Variants in ADAMTSL3 observed in about 807,000 individuals in gnomAD.
The protein encoded by ADAMTSL3 is ADAMTS like 3.
Under a neutral mutation model 201.7 loss-of-function variants are expected in ADAMTSL3, and 128 were observed. That is an observed-to-expected ratio of 0.63 (90% CI 0.55 to 0.73). The LOEUF is 0.73. ADAMTSL3 is among the 30% of genes least tolerant of loss of function. The probability of loss-of-function intolerance (pLI) is 0.00; values close to 1 mark genes in which losing one functional copy is unlikely to be tolerated. For missense variants in ADAMTSL3, 1,990 were observed against 2,119.6 expected (o/e 0.94, Z 1.20); for synonymous variants, 738 against 748.4 (o/e 0.99, Z 0.23).
chr15:84,009,946 C>T (rs981815874), intron 23 of ADAMTSL3, among the ~76,000 whole-genome samples: 8 of 152,164 alleles, frequency 5.3e-5, no homozygotes, highest in Admixed American at 4.6e-4. Context: ...AATGAATAAG[C>T]CAATGTATCT....
intron 8 of ADAMTSL3, among the ~76,000 whole-genome samples, chr15:83,860,513 C>T (rs1013641495): frequency 2.0e-5 from 3 of 152,056 alleles, no homozygotes; most frequent in African/African-American, 4.8e-5. Flanking sequence ...AAGTTTATGG[C>T]ATGCAAAGTA....
intron 4 of ADAMTSL3, among the ~76,000 whole-genome samples, chr15:83,781,498 C>T (rs1329169911): frequency 2.0e-5 from 3 of 152,138 alleles, no homozygotes; most frequent in Non-Finnish European, 4.4e-5. Context: ...AAACCCAATA[C>T]TATACAAACC....
chr15:83,983,546 A>G (rs780120314), intron 21 of ADAMTSL3, among the ~76,000 whole-genome samples: 5 of 152,110 alleles, frequency 3.3e-5, no homozygotes, highest in Non-Finnish European at 7.4e-5. Context: ...CATCCCAATC[A>G]CTGTCGTAGA....
At chr15:84,031,554 A>C in intron 28 of ADAMTSL3, 122 bp downstream of exon 28, 1 of 812,560 alleles carries the variant, frequency 1.2e-6, no homozygotes. Context: ...ACAGTTTTCA[A>C]TTATGATTTA....
At chr15:83,762,567 G>C (rs1441873023) in intron 3 of ADAMTSL3, among the ~76,000 whole-genome samples, 1 of 152,140 alleles carries the variant, frequency 6.6e-6, no homozygotes, top group Non-Finnish European at 1.5e-5. Context: ...GGGCACGAAC[G>C]CTATGTCCTC....
chr15:83,874,507 C>T (rs62025829), intron 9 of ADAMTSL3, among the ~76,000 whole-genome samples: 35,810 of 142,564 alleles, frequency 0.25, 8,038 homozygotes, highest in Non-Finnish European at 0.32. Flanking sequence ...GACCCTTTAG[C>T]GGAGAGGTGT....
At chr15:83,852,661 G>GT (rs1221888184) in intron 7 of ADAMTSL3, among the ~76,000 whole-genome samples, 4 of 151,904 alleles carry the variant, frequency 2.6e-5, no homozygotes, top group African/African-American at 7.3e-5. Context: ...GCTAATTTGT[G>GT]TTTTTTTCTT....
intron 3 of ADAMTSL3, among the ~76,000 whole-genome samples, chr15:83,771,784 A>G (rs1447818203): frequency 6.6e-6 from 1 of 152,238 alleles, no homozygotes; most frequent in Non-Finnish European, 1.5e-5. Flanking sequence ...TTGGATAAAT[A>G]CCAAGAAGTT....
At chr15:83,825,661 T>C (rs2064006792) in intron 6 of ADAMTSL3, among the ~76,000 whole-genome samples, 2 of 152,142 alleles carry the variant, frequency 1.3e-5, no homozygotes, top group South Asian at 4.2e-4. Flanking sequence ...TAGTCTGGCC[T>C]CAAGGAGCGC....
chr15:83,694,503 G>C (rs2061653969), intron 2 of ADAMTSL3: 1 of 152,122 alleles, frequency 6.6e-6, no homozygotes. Context: ...TTATTTCCAT[G>C]TGACATTTTG....
chr15:83,733,298 C>G (rs1027303196), intron 3 of ADAMTSL3, among the ~76,000 whole-genome samples: 2 of 152,096 alleles, frequency 1.3e-5, no homozygotes, highest in African/African-American at 4.8e-5. Flanking sequence ...AATGAATGGA[C>G]AAAACTAATC....
chr15:84,029,800 T>C (rs940944448), intron 27 of ADAMTSL3, among the ~76,000 whole-genome samples: 2 of 152,178 alleles, frequency 1.3e-5, no homozygotes, highest in African/African-American at 2.4e-5. Context: ...GAGAAAAAAG[T>C]GGTTTCCTGG....
chr15:83,985,383 A>T (rs556871497), intron 21 of ADAMTSL3, among the ~76,000 whole-genome samples: 15 of 150,488 alleles, frequency 1.0e-4, no homozygotes, highest in Admixed American at 2.6e-4. Context: ...TCATTTAAAA[A>T]ATATATATAT....
chr15:83,695,152 G>C (rs2061663428), intron 2 of ADAMTSL3, among the ~76,000 whole-genome samples: 1 of 51,842 alleles, frequency 1.9e-5, no homozygotes, highest in African/African-American at 7.2e-5. Context: ...GTGTAGGTAT[G>C]TGTGTGTGTA....
chr15:83,760,265 T>C (rs1261533443), intron 3 of ADAMTSL3, among the ~76,000 whole-genome samples: 2 of 152,178 alleles, frequency 1.3e-5, no homozygotes, highest in African/African-American at 4.8e-5. Context: ...ATTAAGAGTA[T>C]TTTCTAATTT....
At chr15:83,823,967 CTT>C (rs1567169995) in intron 6 of ADAMTSL3, among the ~76,000 whole-genome samples, 33 of 82,082 alleles carry the variant, frequency 4.0e-4, no homozygotes, top group African/African-American at 1.1e-3. Context: ...TCTTCTTCTT[CTT>C]CTTCTCCTCC....
chr15:83,890,300 CA>C, intron 11 of ADAMTSL3, 53 bp downstream of exon 11: 1 of 1,593,422 alleles, frequency 6.3e-7, no homozygotes, highest in Non-Finnish European at 8.5e-7. Flanking sequence ...AAATCAGCTT[CA>C]ACTGAGACTG....
At chr15:83,976,667 C>T (rs1384000233) in intron 20 of ADAMTSL3, among the ~76,000 whole-genome samples, 1 of 151,888 alleles carries the variant, frequency 6.6e-6, no homozygotes, top group Non-Finnish European at 1.5e-5. Context: ...GTGCACAGTT[C>T]ACAGTAGGGT....
At chr15:83,714,860 C>G (rs1205303666) in intron 3 of ADAMTSL3, among the ~76,000 whole-genome samples, 1 of 42,984 alleles carries the variant, frequency 2.3e-5, no homozygotes, top group Non-Finnish European at 4.1e-5. Flanking sequence ...TTCCCTCCCT[C>G]CCTCCCTCCC....
Sources: allele counts gnomAD v4.1 joint callset (sites outside exome capture counted in the v4.1 genomes callset), GRCh38; gene constraint gnomAD v4.1.1; transcripts MANE v1.5; gene names NCBI Gene and HGNC (gene_info 2026-07-23, HGNC 2026-07-21).